Variants in CDH13 observed in about 807,000 individuals in gnomAD.
CDH13 encodes cadherin 13.
CDH13 carries 24 observed loss-of-function variants against 63.8 expected under a neutral mutation model. That is an observed-to-expected ratio of 0.38 (90% CI 0.27 to 0.53). The LOEUF (loss-of-function observed/expected upper bound fraction) is 0.53, where lower values mean the gene tolerates loss of function less well. Ranked by LOEUF, CDH13 falls within the 20% of genes least tolerant of loss-of-function variation. CDH13 has a pLI of 0.85. For synonymous variants in CDH13, 503 were observed against 355.3 expected, an observed-to-expected ratio of 1.42 and a Z score of -4.67; for missense variants, 1,049 against 903.1, an observed-to-expected ratio of 1.16 and a Z score of -2.07.
chr16:82,701,034 C>CA (rs1286950983), intron 1 of CDH13, among the ~76,000 whole-genome samples: 1 of 142,982 alleles, frequency 7.0e-6, no homozygotes, highest in East Asian at 2.1e-4. Flanking sequence ...TGCTCAAAAG[C>CA]AAACTTCTTA....
intron 4 of CDH13, among the ~76,000 whole-genome samples, chr16:83,146,101 G>C (rs896533302): frequency 4.6e-5 from 7 of 151,316 alleles, no homozygotes; most frequent in Non-Finnish European, 7.4e-5. Flanking sequence ...GGCTGGGGCA[G>C]GAGAATCGCT....
chr16:83,496,919 A>C (rs1054053982), intron 7 of CDH13, among the ~76,000 whole-genome samples: 1 of 152,236 alleles, frequency 6.6e-6, no homozygotes, highest in Non-Finnish European at 1.5e-5. Flanking sequence ...AATGCTCATC[A>C]TCACTGGCCA....
chr16:82,660,627 T>C (rs1055188806), intron 1 of CDH13, among the ~76,000 whole-genome samples: 9 of 152,084 alleles, frequency 5.9e-5, no homozygotes. Context: ...GAAGGTTGAG[T>C]TATATTTAAG....
intron 1 of CDH13, chr16:82,637,804 T>C (rs8045889): frequency 0.68 from 102,942 of 151,912 alleles, 34,971 homozygotes; most frequent in Non-Finnish European, 0.7. Context: ...CACAGAATAA[T>C]AAGTGGTGAG....
intron 4 of CDH13, among the ~76,000 whole-genome samples, chr16:83,161,681 A>G (rs1271322177): frequency 6.6e-6 from 1 of 152,294 alleles, no homozygotes; most frequent in East Asian, 1.9e-4. Flanking sequence ...ATAGAGTTAA[A>G]GAATCACCCA....
chr16:83,304,928 T>C (rs1457740438), intron 5 of CDH13, among the ~76,000 whole-genome samples: 1 of 152,230 alleles, frequency 6.6e-6, no homozygotes, highest in Non-Finnish European at 1.5e-5. Context: ...ATTTTATTCA[T>C]AGCAGAACTT....
chr16:82,880,683 T>C (rs66726090), intron 2 of CDH13, among the ~76,000 whole-genome samples: 38,424 of 152,104 alleles, frequency 0.25, 6,211 homozygotes, highest in East Asian at 0.78. Flanking sequence ...AAAAACATCT[T>C]ATAATTATAA....
At chr16:83,557,825 A>C (rs1046956271) in intron 7 of CDH13, among the ~76,000 whole-genome samples, 3 of 152,160 alleles carry the variant, frequency 2.0e-5, no homozygotes, top group African/African-American at 7.2e-5. Context: ...CCTGTGACTT[A>C]GAGTGAGTAG....
In CDH13 at chr16:83,342,048, C is replaced by T. The variant is rs115712533; in HGVS notation, c.637-2814C>T. Among the ~76,000 whole-genome samples, 395 of 149,192 alleles carry T rather than the reference C, an allele frequency of 2.6e-3. 4 individuals are homozygous for T. The highest frequency in any genetic ancestry group is 9.2e-3 in the African/African-American group (376 of 40,776). On this transcript the variant is annotated intron_variant, in intron 5 of 13. Coordinates refer to ENST00000567109, the MANE Select transcript of CDH13 (RefSeq NM_001257.5). ...ACACACACACTTTGTCAATCATACTCTACCCAGTGATGGAAATGTTCTACA... is the reference window on the plus strand; with the variant it reads ...ACACACACACTTTGTCAATCATACTTTACCCAGTGATGGAAATGTTCTACA...
chr16:82,979,172 C>T (rs888551572), intron 2 of CDH13, among the ~76,000 whole-genome samples: 2 of 152,230 alleles, frequency 1.3e-5, no homozygotes, highest in African/African-American at 4.8e-5. Context: ...TTATCCAATG[C>T]CTGTACCCCC....
intron 9 of CDH13, among the ~76,000 whole-genome samples, chr16:83,676,390 G>A (rs948553338): frequency 6.6e-6 from 1 of 152,164 alleles, no homozygotes; most frequent in East Asian, 1.9e-4. Flanking sequence ...CACCCTCAGC[G>A]TCGTCATGGC....
intron 1 of CDH13, among the ~76,000 whole-genome samples, chr16:82,672,464 T>G (rs1220583517): frequency 6.6e-6 from 1 of 152,148 alleles, no homozygotes; most frequent in East Asian, 1.9e-4. Flanking sequence ...AGTCCCTCCC[T>G]AATCACTGTA....
At chr16:83,086,711 C>G (rs1055633314) in intron 3 of CDH13, among the ~76,000 whole-genome samples, 1 of 152,194 alleles carries the variant, frequency 6.6e-6, no homozygotes. Context: ...GTGCACACCA[C>G]CAGTCTCAAA....
intron 11 of CDH13, among the ~76,000 whole-genome samples, chr16:83,764,150 T>C (rs775860701): frequency 6.6e-6 from 1 of 152,184 alleles, no homozygotes; most frequent in Non-Finnish European, 1.5e-5. Flanking sequence ...CTTCTAAGCA[T>C]GTCATTACAG....
At chr16:82,734,393 A>G (rs928046246) in intron 1 of CDH13, among the ~76,000 whole-genome samples, 7 of 152,184 alleles carry the variant, frequency 4.6e-5, no homozygotes, top group African/African-American at 1.7e-4. Context: ...GGCAGCACAT[A>G]GGAGTCTCAG....
At chr16:83,331,394 T>C (rs563489661) in intron 5 of CDH13, among the ~76,000 whole-genome samples, 20 of 152,310 alleles carry the variant, frequency 1.3e-4, no homozygotes, top group African/African-American at 4.8e-4. Context: ...ACTATAATAC[T>C]GATGATGTCC....
intron 7 of CDH13, among the ~76,000 whole-genome samples, chr16:83,557,736 G>A (rs115019496): frequency 6.6e-6 from 1 of 151,986 alleles, no homozygotes; most frequent in South Asian, 2.1e-4. Context: ...CTGTTACTTG[G>A]TTGGTACCTT....
intron 6 of CDH13, among the ~76,000 whole-genome samples, chr16:83,386,299 C>G (rs900615625): frequency 6.6e-6 from 1 of 152,184 alleles, no homozygotes; most frequent in African/African-American, 2.4e-5. Flanking sequence ...ACAAAACCAG[C>G]ATCAGGACAT....
At chr16:83,600,499 T>A (rs750683923) in intron 7 of CDH13, among the ~76,000 whole-genome samples, 22 of 152,212 alleles carry the variant, frequency 1.4e-4, no homozygotes, top group Non-Finnish European at 1.3e-4. Context: ...TTAAAAGTTT[T>A]TGAGAGAGCT....
Sources: gnomAD v4.1 joint callset for allele counts (sites outside exome capture counted in the v4.1 genomes callset) on GRCh38, gnomAD v4.1.1 for gene constraint, MANE v1.5 for transcripts, NCBI Gene and HGNC (gene_info 2026-07-23, HGNC 2026-07-21) for gene names.